The following NEURL1 variants were observed in gnomAD, a reference collection of about 807,000 sequenced individuals.
NEURL1 encodes the protein neuralized E3 ubiquitin protein ligase 1.
A neutral mutation model predicts 41.2 loss-of-function variants in NEURL1; 26 were observed. The observed-to-expected ratio is 0.63, with a 90% CI of 0.46 to 0.87. NEURL1 has a LOEUF of 0.87. NEURL1 is among the 40% of genes least tolerant of loss of function. The probability of loss-of-function intolerance (pLI) is 0.00; values close to 1 mark genes in which losing one functional copy is unlikely to be tolerated. For synonymous variants in NEURL1, 400 were observed against 402.3 expected, an observed-to-expected ratio of 0.99 and a Z score of 0.07; for missense variants, 761 against 871.1, an observed-to-expected ratio of 0.87 and a Z score of 1.59.
At chr10:103,499,641 GT>G (rs200192922) in intron 1 of NEURL1, among the ~76,000 whole-genome samples, 1 of 151,118 alleles carries the variant, frequency 6.6e-6, no homozygotes, top group African/African-American at 2.4e-5. Flanking sequence ...ATTTCTGTAG[GT>G]TTTTTTTTAA....
At chr10:103,590,103 C>G in intron 5 of NEURL1, 31 bp from the exon 6 acceptor site, 1 of 1,604,456 alleles carries the variant, frequency 6.2e-7, no homozygotes, top group Non-Finnish European at 8.5e-7. Context: ...TGGGCCATGT[C>G]TCCTCCTGAC....
rs1208178428 is a variant in NEURL1, at chr10:103,494,079, C to T, written c.-309C>T. On this transcript the variant is annotated 5_prime_UTR_variant, in exon 1 of 6. Transcript: ENST00000369780. ...GCCGGAACCCTAGCGTCCCGGGGAG[C>T]AAGCGGGGAGCCCCGGGCGTCCCCG... The T allele has an allele frequency of 1.1e-5, 3 of 266,416 alleles. No homozygotes were observed. Among genetic ancestry groups the T allele is most frequent in the Non-Finnish European group, 2.1e-5 (3 of 142,508 alleles). 16.5% of individuals were successfully genotyped at this position (266,416 alleles called of 1,614,324 possible). A position where few individuals can be genotyped will look rare whatever the true frequency, so the allele number is the denominator to read the frequency against.
Position 103,590,146 on chromosome 10 carries a change from A to G in NEURL1, c.1499A>G (p.Asn500Ser), listed in dbSNP as rs1182598490. Residue 500 changes from asparagine to serine, a missense_variant, in exon 6 of 6, where the codon AAT (asparagine) becomes AGT (serine). Coordinates refer to ENST00000369780, the MANE Select transcript of NEURL1 (RefSeq NM_004210.5). Reference protein sequence around the residue: ...LGSSAGGTAPNSPVSLPESPV... With the variant: ...LGSSAGGTAPSSPVSLPESPV... ...CCCTTGTCCTCAGGGACAGCCCCCA[A>G]TTCGCCAGTGAGCCTGCCCGAGTCG... is the stretch of plus-strand genomic sequence containing the variant. 3 of 1,613,858 alleles carry G rather than the reference A, an allele frequency of 1.9e-6. No homozygotes were observed. Among genetic ancestry groups the G allele is most frequent in the Non-Finnish European group, 1.7e-6 (2 of 1,180,012 alleles).
At chr10:103,578,493 G>GA (rs2035714229) in intron 3 of NEURL1, among the ~76,000 whole-genome samples, 1 of 152,234 alleles carries the variant, frequency 6.6e-6, no homozygotes, top group South Asian at 2.1e-4. Flanking sequence ...GAGAAGGCCA[G>GA]AGAGAGGGTG....
At chr10:103,562,717 A>C (rs1323707163) in intron 1 of NEURL1, among the ~76,000 whole-genome samples, 2 of 152,196 alleles carry the variant, frequency 1.3e-5, no homozygotes, top group Non-Finnish European at 2.9e-5. Context: ...AAAGGTCCAT[A>C]GTAAGGCCCC....
chr10:103,501,583 C>T (rs1436940818), intron 1 of NEURL1, among the ~76,000 whole-genome samples: 1 of 147,984 alleles, frequency 6.8e-6, no homozygotes, highest in African/African-American at 2.5e-5. Flanking sequence ...ATTTAATCTC[C>T]CCATAAAGGA....
chr10:103,524,003 C>G (rs1399053531), intron 1 of NEURL1, among the ~76,000 whole-genome samples: 2 of 152,084 alleles, frequency 1.3e-5, no homozygotes, highest in East Asian at 3.8e-4. Context: ...TTTAGTTTTT[C>G]TGAGGAACCT....
intron 1 of NEURL1, among the ~76,000 whole-genome samples, chr10:103,498,840 A>C (rs1235091651): frequency 6.6e-6 from 1 of 152,182 alleles, no homozygotes; most frequent in Non-Finnish European, 1.5e-5. Flanking sequence ...TAATCTTTTC[A>C]AGTTTCATCC....
intron 1 of NEURL1, among the ~76,000 whole-genome samples, chr10:103,564,149 C>T (rs949605824): frequency 1.4e-4 from 22 of 152,184 alleles, no homozygotes; most frequent in African/African-American, 4.6e-4. Flanking sequence ...CCTGGGACCC[C>T]GCTGAGAGGC....
chr10:103,590,610 C>G lies in NEURL1; in HGVS notation c.*238C>G. 1 of 561,648 alleles carries G rather than the reference C, an allele frequency of 1.8e-6. No homozygotes were observed. Among genetic ancestry groups the G allele is most frequent in the African/African-American group, 1.9e-5 (1 of 53,206 alleles). 34.8% of individuals were successfully genotyped at this position (561,648 alleles called of 1,614,324 possible). Reference sequence around the variant, plus strand: ...GGAGAGGAGGCCGCACTCTCCCTGTCTCTCCCGTCTCTGCACCCAGCTCCT... The same window carrying G: ...GGAGAGGAGGCCGCACTCTCCCTGTGTCTCCCGTCTCTGCACCCAGCTCCT... On this transcript the variant is annotated 3_prime_UTR_variant, in exon 6 of 6. Coordinates refer to ENST00000369780, the MANE Select transcript of NEURL1 (RefSeq NM_004210.5).
intron 1 of NEURL1, among the ~76,000 whole-genome samples, chr10:103,539,110 C>T (rs1443546321): frequency 6.6e-6 from 1 of 152,068 alleles, no homozygotes. Context: ...CCATACTTGG[C>T]TGATTTTTGA....
chr10:103,531,926 C>T (rs2034582030), intron 1 of NEURL1, among the ~76,000 whole-genome samples: 1 of 152,182 alleles, frequency 6.6e-6, no homozygotes, highest in Admixed American at 6.5e-5. Flanking sequence ...GAATTGATCC[C>T]TTTATCATTA....
rs41287508 is a variant in NEURL1 at position 103,571,605 on chromosome 10, C to T, written c.432C>T (p.Pro144=). Residue 144 remains proline, a synonymous_variant, in exon 3 of 6, where the codon CCC becomes CCT. Coordinates refer to ENST00000369780, the MANE Select transcript of NEURL1 (RefSeq NM_004210.5). ...HPDSLPKYAC[P]DLVSQSGFWA... ...ACTCGCTGCCCAAGTACGCCTGCCC[C>T]GACCTGGTGTCCCAGAGTGGCTTCT... 10,688 of 1,614,130 alleles carry T rather than the reference C, an allele frequency of 6.6e-3. 47 individuals are homozygous for T. The highest frequency in any genetic ancestry group is 7.8e-3 in the Non-Finnish European group (9,230 of 1,180,014).
chr10:103,507,267 C>T (rs1275950607), intron 1 of NEURL1, among the ~76,000 whole-genome samples: 3 of 152,184 alleles, frequency 2.0e-5, no homozygotes, highest in African/African-American at 7.2e-5. Flanking sequence ...AGATGCTCCT[C>T]TGCTTAGAGT....
intron 1 of NEURL1, among the ~76,000 whole-genome samples, chr10:103,540,448 C>A (rs2034796628): frequency 1.5e-5 from 2 of 134,380 alleles, no homozygotes; most frequent in Non-Finnish European, 3.3e-5. Flanking sequence ...TGCCACCACA[C>A]CTGGCTAATT....
intron 1 of NEURL1, among the ~76,000 whole-genome samples, chr10:103,514,826 G>T (rs186300463): frequency 6.6e-6 from 1 of 152,168 alleles, no homozygotes; most frequent in Non-Finnish European, 1.5e-5. Context: ...CACCGACAGG[G>T]GTGTGCTCAA....
intron 1 of NEURL1, among the ~76,000 whole-genome samples, chr10:103,509,632 G>A (rs2034025886): frequency 6.6e-6 from 1 of 152,202 alleles, no homozygotes; most frequent in African/African-American, 2.4e-5. Flanking sequence ...GTCATTGAAC[G>A]AAATGTCATT....
At chr10:103,549,774 C>T (rs527422503) in intron 1 of NEURL1, among the ~76,000 whole-genome samples, 1 of 152,286 alleles carries the variant, frequency 6.6e-6, no homozygotes, top group East Asian at 1.9e-4. Flanking sequence ...AAGAAGTTAC[C>T]CCCTCCCTTG....
intron 1 of NEURL1, among the ~76,000 whole-genome samples, chr10:103,537,961 T>C (rs913192614): frequency 1.3e-5 from 2 of 152,146 alleles, no homozygotes; most frequent in African/African-American, 4.8e-5. Context: ...TCACTATAGA[T>C]TAGTTTACAG....
Sources: allele counts gnomAD v4.1 joint callset (sites outside exome capture counted in the v4.1 genomes callset), GRCh38; gene constraint gnomAD v4.1.1; transcripts MANE v1.5; gene names NCBI Gene and HGNC (gene_info 2026-07-23, HGNC 2026-07-21).